Variants in KLHL29 observed in about 807,000 individuals in gnomAD.
The protein encoded by KLHL29 is kelch like family member 29.
KLHL29 carries 21 observed loss-of-function variants against 80.4 expected under a neutral mutation model. The observed-to-expected ratio is 0.26, with a 90% confidence interval of 0.19 to 0.38. KLHL29 has a LOEUF of 0.38. Among genes scored for constraint, KLHL29 ranks in the 10% least tolerant of loss-of-function variants. The pLI is 1.00. For missense variants in KLHL29, 867 were observed against 1,223.9 expected, an observed-to-expected ratio of 0.71 and a Z score of 4.35; for synonymous variants, 511 against 526.8, an observed-to-expected ratio of 0.97 and a Z score of 0.41.
At chr2:23,426,347 C>A (rs754936682) in intron 1 of KLHL29, among the ~76,000 whole-genome samples, 1 of 152,194 alleles carries the variant, frequency 6.6e-6, no homozygotes, top group Non-Finnish European at 1.5e-5. Flanking sequence ...ATCATTGACT[C>A]ATGAGCTCCC....
At chr2:23,510,777 G>A (rs1332518823) in intron 2 of KLHL29, among the ~76,000 whole-genome samples, 1 of 152,164 alleles carries the variant, frequency 6.6e-6, no homozygotes, top group African/African-American at 2.4e-5. Context: ...CTGGGCAGGT[G>A]TAGGGCTGAG....
At chr2:23,702,127 T>TGGCTCTTTTTAACTACCCCCCAC (rs1358943802) in intron 11 of KLHL29, among the ~76,000 whole-genome samples, 37 of 152,144 alleles carry the variant, frequency 2.4e-4, no homozygotes, top group Non-Finnish European at 3.8e-4. Flanking sequence ...CCAGCCCACA[T>TGGCTCTTTTTAACTACCCCCCAC]GGCTCTTTTT....
At position 23,696,355 on chromosome 2, in the gene KLHL29, G is replaced by A. The variant is rs745902988; in HGVS notation, c.1947G>A (p.Thr649=). ...YLSGGMESGV[T]LADVWCYMSL... ...CAGGTGGGATGGAATCAGGGGTGAC[G>A]CTGGCTGATGTCTGGTGCTACATGT... Residue 649 remains threonine, a synonymous_variant, in exon 11 of 14, where the codon ACG becomes ACA. Transcript: ENST00000486442. This position sits in a 1 kb window ranked among gnomAD's most constrained non-coding sequence, Gnocchi z 5.5. 48 of 1,551,474 alleles carry A rather than the reference G, an allele frequency of 3.1e-5. No homozygotes were observed. Among genetic ancestry groups the A allele is most frequent in the South Asian group, 2.6e-4 (22 of 84,054 alleles).
chr2:23,560,847 T>C (rs1325692710), intron 2 of KLHL29, among the ~76,000 whole-genome samples: 1 of 152,208 alleles, frequency 6.6e-6, no homozygotes, highest in Admixed American at 6.5e-5. Context: ...GCACTAGAAG[T>C]TGACAACTAG....
At chr2:23,634,746 A>G (rs572543583) in intron 3 of KLHL29, among the ~76,000 whole-genome samples, 5 of 152,168 alleles carry the variant, frequency 3.3e-5, no homozygotes, top group South Asian at 2.1e-4. Context: ...GTCCCAGCAC[A>G]CCCGGCCCCC....
chr2:23,625,254 C>A (rs1481830307), intron 3 of KLHL29, among the ~76,000 whole-genome samples: 1 of 152,228 alleles, frequency 6.6e-6, no homozygotes, highest in African/African-American at 2.4e-5. Context: ...ATAACTCACT[C>A]CACTTACTGT....
intron 3 of KLHL29, among the ~76,000 whole-genome samples, chr2:23,568,995 C>A (rs1170822735): frequency 6.6e-6 from 1 of 152,184 alleles, no homozygotes; most frequent in Non-Finnish European, 1.5e-5. Flanking sequence ...AGGGAACAGA[C>A]TGTCCAGTTG....
intron 1 of KLHL29, among the ~76,000 whole-genome samples, chr2:23,426,642 G>C (rs1663012043): frequency 1.3e-5 from 2 of 152,178 alleles, no homozygotes; most frequent in Non-Finnish European, 2.9e-5. Context: ...TGTACTTTTG[G>C]CATCTGAGTC....
At chr2:23,611,654 A>T (rs1037705624) in intron 3 of KLHL29, among the ~76,000 whole-genome samples, 1 of 152,232 alleles carries the variant, frequency 6.6e-6, no homozygotes, top group East Asian at 1.9e-4. Flanking sequence ...AATAACAAAT[A>T]TCAGTAGAAA....
chr2:23,463,533 G>A (rs1664271314), intron 1 of KLHL29, among the ~76,000 whole-genome samples: 1 of 152,098 alleles, frequency 6.6e-6, no homozygotes. Flanking sequence ...TTGTTATATT[G>A]CACGTATAAG....
At chr2:23,705,621 G>C (rs77434252) in intron 13 of KLHL29, among the ~76,000 whole-genome samples, 1 of 152,166 alleles carries the variant, frequency 6.6e-6, no homozygotes, top group Non-Finnish European at 1.5e-5. Flanking sequence ...AACTAAGGGA[G>C]AGAAGACTGG....
At chr2:23,668,587 G>A (rs1670619649) in intron 5 of KLHL29, 1 of 152,374 alleles carries the variant, frequency 6.6e-6, no homozygotes, top group Non-Finnish European at 1.5e-5. Flanking sequence ...CAGGGGCAGA[G>A]GGGAACAGAT....
At position 23,680,785 on chromosome 2, in the gene KLHL29, C is replaced by T. The variant is rs1671063705; in HGVS notation, c.941-3614C>T. On this transcript the variant is annotated intron_variant, in intron 5 of 13. Transcript: ENST00000486442. The surrounding 1 kb of genome is among the most constrained non-coding windows in gnomAD (Gnocchi z 4.1). Reference sequence around the variant, plus strand: ...TCCTGGGGTCTCTAGGCCATCTTCTCCTGGGGTCTCTAGGCCATCTTCTCC... The same window carrying T: ...TCCTGGGGTCTCTAGGCCATCTTCTTCTGGGGTCTCTAGGCCATCTTCTCC... 6.6e-6 allele frequency among the ~76,000 whole-genome samples: 1 copy of T among 151,982 alleles called. No individual in the cohort carries two copies. Among genetic ancestry groups the T allele is most frequent in the South Asian group, 2.1e-4 (1 of 4,818 alleles).
chr2:23,457,719 A>G lies in KLHL29; in HGVS notation c.-153-17841A>G, dbSNP rs191197798. Reference sequence around the variant, plus strand: ...GGCAAGACCTATTATCTGGGACTCTAAAGAAAACGTAAGGCCGGGCGCGGT... The same window carrying G: ...GGCAAGACCTATTATCTGGGACTCTGAAGAAAACGTAAGGCCGGGCGCGGT... On this transcript the variant is annotated intron_variant, in intron 1 of 13. Coordinates refer to ENST00000486442, the MANE Select transcript of KLHL29 (RefSeq NM_052920.2). This position sits in a 1 kb window ranked among gnomAD's most constrained non-coding sequence, Gnocchi z 4.3. Among the ~76,000 whole-genome samples, 433 of 152,336 alleles carry G rather than the reference A, an allele frequency of 2.8e-3. 4 individuals are homozygous for G. The highest frequency in any genetic ancestry group is 9.8e-3 in the African/African-American group (406 of 41,576).
intron 1 of KLHL29, among the ~76,000 whole-genome samples, chr2:23,403,273 A>G (rs1666639644): frequency 6.6e-6 from 1 of 152,228 alleles, no homozygotes; most frequent in African/African-American, 2.4e-5. Context: ...GTCCATGCTG[A>G]CATTAAGACT....
At chr2:23,405,671 G>T (rs1226128742) in intron 1 of KLHL29, among the ~76,000 whole-genome samples, 2 of 152,160 alleles carry the variant, frequency 1.3e-5, no homozygotes, top group Admixed American at 1.3e-4. Context: ...CAACACACAA[G>T]ACTCGAGCAG....
intron 3 of KLHL29, among the ~76,000 whole-genome samples, chr2:23,622,888 A>C (rs1669219421): frequency 6.6e-6 from 1 of 152,254 alleles, no homozygotes; most frequent in Admixed American, 6.5e-5. Context: ...AAAGGAGGGC[A>C]TGGAGTGGTC....
chr2:23,610,697 G>A (rs1668836735), intron 3 of KLHL29, among the ~76,000 whole-genome samples: 2 of 152,230 alleles, frequency 1.3e-5, no homozygotes, highest in South Asian at 4.1e-4. Flanking sequence ...TGGGGCGGGT[G>A]CCCTGAAATG....
At position 23,385,229 on chromosome 2, in the gene KLHL29, G is replaced by A; in HGVS notation, c.-705G>A. On this transcript the variant is annotated 5_prime_UTR_variant, in exon 1 of 14. Coordinates refer to ENST00000486442, the MANE Select transcript of KLHL29 (RefSeq NM_052920.2). Reference sequence around the variant, plus strand: ...CAGAAGGGAGCATGGTCCCCGCGCCGCGGCCGCGCCAGCCCCCGCGCCGCC... The same window carrying A: ...CAGAAGGGAGCATGGTCCCCGCGCCACGGCCGCGCCAGCCCCCGCGCCGCC... 6.7e-6 allele frequency: 1 copy of A among 149,044 alleles called. No homozygotes were observed. The highest frequency in any genetic ancestry group is 1.5e-5 in the Non-Finnish European group (1 of 66,844). 9.2% of individuals were successfully genotyped at this position (149,044 alleles called of 1,614,324 possible).
Sources: gnomAD v4.1 joint callset for allele counts (sites outside exome capture counted in the v4.1 genomes callset) on GRCh38, gnomAD v4.1.1 for gene constraint, Gnocchi (gnomAD v3.1) non-coding constraint, MANE v1.5 for transcripts, NCBI Gene and HGNC (gene_info 2026-07-23, HGNC 2026-07-21) for gene names.